The following SPON1 variants were observed in gnomAD, a reference collection of about 807,000 sequenced individuals.
The protein encoded by SPON1 is spondin-1.
SPON1 carries 52 observed loss-of-function variants against 111.7 expected under a neutral mutation model. The ratio of observed to expected loss-of-function variants is 0.47; its 90% confidence interval spans 0.37 to 0.59. The LOEUF (loss-of-function observed/expected upper bound fraction) is 0.59, where lower values mean the gene tolerates loss of function less well. SPON1 is among the 20% of genes least tolerant of loss of function. The pLI is 0.00. For synonymous variants in SPON1, 410 were observed against 395.8 expected, an observed-to-expected ratio of 1.04 and a Z score of -0.43; for missense variants, 957 against 1,068.5, an observed-to-expected ratio of 0.90 and a Z score of 1.46.
At chr11:14,051,006 T>C (rs1395625899) in intron 3 of SPON1, among the ~76,000 whole-genome samples, 3 of 152,282 alleles carry the variant, frequency 2.0e-5, no homozygotes, top group African/African-American at 4.8e-5. Flanking sequence ...GGGGCAGAGA[T>C]GGTCAAGTCT....
chr11:14,033,415 G>C lies in SPON1; in HGVS notation c.346-8106G>C, dbSNP rs144800939. On this transcript the variant is annotated intron_variant, in intron 2 of 15. Transcript: ENST00000576479. ...TTGATGCTGTTCAGGTTCATCTCTT[G>C]AGGCTTGTGTCTCTTGAACCAGAAA... Among the ~76,000 whole-genome samples, 452 of 152,310 alleles carry C rather than the reference G, an allele frequency of 3.0e-3. 1 individual carries two copies. Among genetic ancestry groups the C allele is most frequent in the African/African-American group, 0.01 (431 of 41,566 alleles).
At chr11:14,179,925 T>A (rs1554933539) in intron 6 of SPON1, among the ~76,000 whole-genome samples, 1 of 152,204 alleles carries the variant, frequency 6.6e-6, no homozygotes, top group African/African-American at 2.4e-5. Flanking sequence ...CTACTTCCTA[T>A]TTCAGATTCA....
At chr11:14,102,680 G>A (rs1178108690) in intron 5 of SPON1, among the ~76,000 whole-genome samples, 1 of 152,152 alleles carries the variant, frequency 6.6e-6, no homozygotes, top group Non-Finnish European at 1.5e-5. Context: ...TGACTTTCAT[G>A]ACACTGATGC....
At chr11:13,999,566 T>C (rs60317290) in intron 2 of SPON1, among the ~76,000 whole-genome samples, 7,802 of 152,132 alleles carry the variant, frequency 0.051, 673 homozygotes, top group African/African-American at 0.18. Flanking sequence ...CCATCACACC[T>C]GGCTAACTTT....
chr11:14,158,813 T>A (rs1480069064), intron 6 of SPON1, among the ~76,000 whole-genome samples: 3 of 152,126 alleles, frequency 2.0e-5, no homozygotes, highest in Admixed American at 2.0e-4. Flanking sequence ...GAAACTAGTA[T>A]CTCTTCTTTA....
intron 6 of SPON1, among the ~76,000 whole-genome samples, chr11:14,160,024 T>A (rs1423328158): frequency 2.6e-5 from 4 of 152,010 alleles, no homozygotes; most frequent in Admixed American, 6.6e-5. Flanking sequence ...TGTACATTTT[T>A]AAATAACTTA....
chr11:14,112,877 C>A lies in SPON1; in HGVS notation c.677-22543C>A, dbSNP rs922485442. Among the ~76,000 whole-genome samples the A allele has an allele frequency of 3.3e-5, 5 of 152,180 alleles. No homozygotes were observed. In the East Asian group the frequency reaches 7.7e-4, roughly 23 times the overall value. Reference sequence around the variant, plus strand: ...AATTCTGCCTTTTATTGCTGCCAGACCTGCCTGATGCCCAGTGTCTCTATC... The same window carrying A: ...AATTCTGCCTTTTATTGCTGCCAGAACTGCCTGATGCCCAGTGTCTCTATC... On this transcript the variant is annotated intron_variant, in intron 5 of 15. Coordinates refer to ENST00000576479, the MANE Select transcript of SPON1 (RefSeq NM_006108.4).
intron 4 of SPON1, 22 bp from the exon 5 acceptor site, chr11:14,079,874 TTGG>T (rs1564900115): frequency 6.2e-7 from 1 of 1,613,858 alleles, no homozygotes; most frequent in East Asian, 2.2e-5. Flanking sequence ...ACTTTCTAAC[TTGG>T]TGACTTTTCT....
chr11:14,082,461 A>G (rs1032292266), intron 5 of SPON1, among the ~76,000 whole-genome samples: 2 of 152,226 alleles, frequency 1.3e-5, no homozygotes, highest in African/African-American at 4.8e-5. Context: ...TAGACCAAGA[A>G]GTCCTCCAGG....
At chr11:14,183,033 A>C (rs1241730690) in intron 6 of SPON1, among the ~76,000 whole-genome samples, 2 of 152,234 alleles carry the variant, frequency 1.3e-5, no homozygotes, top group African/African-American at 4.8e-5. Context: ...TCAAATTGCA[A>C]AATCTTATCC....
chr11:14,022,828 C>T (rs184230787), intron 2 of SPON1, among the ~76,000 whole-genome samples: 35 of 152,318 alleles, frequency 2.3e-4, no homozygotes, highest in African/African-American at 8.4e-4. Flanking sequence ...CGACTTTATC[C>T]AAAGAACGCT....
chr11:13,968,038 C>T (rs782662818), intron 1 of SPON1, among the ~76,000 whole-genome samples: 25 of 152,208 alleles, frequency 1.6e-4, no homozygotes, highest in Non-Finnish European at 3.1e-4. Context: ...CTTTCAGTTG[C>T]ATCAAGAAGC....
At chr11:14,001,566 A>C (rs1848319215) in intron 2 of SPON1, among the ~76,000 whole-genome samples, 1 of 152,220 alleles carries the variant, frequency 6.6e-6, no homozygotes, top group Admixed American at 6.5e-5. Flanking sequence ...AAGACCACAC[A>C]CAAAGATTCT....
At chr11:13,986,610 G>C (rs963899702) in intron 2 of SPON1, among the ~76,000 whole-genome samples, 2 of 148,190 alleles carry the variant, frequency 1.3e-5, no homozygotes, top group Non-Finnish European at 3.0e-5. Context: ...TCTGGGGTAC[G>C]TGTGCAGTTT....
chr11:14,193,449 T>C (rs961627652), intron 6 of SPON1, among the ~76,000 whole-genome samples: 2 of 152,184 alleles, frequency 1.3e-5, no homozygotes, highest in African/African-American at 4.8e-5. Flanking sequence ...TATGCACACA[T>C]ATATATAAAT....
chr11:14,213,555 A>G lies in SPON1; in HGVS notation c.826-29777A>G, dbSNP rs1490282514. Among the ~76,000 whole-genome samples the G allele has an allele frequency of 2.0e-5, 3 of 152,382 alleles. No homozygotes were observed. In the East Asian group the frequency reaches 5.8e-4, roughly 29 times the overall value. On this transcript the variant is annotated intron_variant, in intron 6 of 15. Coordinates refer to ENST00000576479, the MANE Select transcript of SPON1 (RefSeq NM_006108.4). ...GAAAAACAAGTCAAAGGTTGACAAT[A>G]GTAATTAATCAAACGATATTTATTG...
rs564301907 is a variant in SPON1 at position 14,041,566 on chromosome 11, G to A, written c.391G>A (p.Ala131Thr). Residue 131 changes from alanine (A) to threonine (T), a missense_variant, in exon 3 of 16, where the codon GCA (alanine) becomes ACA (threonine). Physicochemically the swap from Ala to Thr is moderately conservative, Grantham distance 58 (BLOSUM62 0). Transcript: ENST00000576479. ...TCAGTTTATGAGCAATTGCCCTGTT[G>A]CAGTCACTGAAAGCACTCCACGGAG... ...ETQFMSNCPV[A>T]VTESTPRRRT... is the part of the protein sequence containing the mutation. 6 of 1,613,936 alleles carry A rather than the reference G, an allele frequency of 3.7e-6. No individual in the cohort carries two copies. The highest frequency in any genetic ancestry group is 5.1e-6 in the Non-Finnish European group (6 of 1,179,874).
chr11:13,965,493 G>A (rs1451951158), intron 1 of SPON1, among the ~76,000 whole-genome samples: 1 of 152,182 alleles, frequency 6.6e-6, no homozygotes, highest in Admixed American at 6.5e-5. Context: ...TAAACGTCCA[G>A]GGCCAGCAGG....
rs1847578485 is a variant in SPON1 at position 14,135,355 on chromosome 11, C to A, written c.677-65C>A. ...ATGTCCAATTACGCATCCTCCCCATCATTTAAGGGACTCGTGTTTCAGCCA... is the reference window on the plus strand; with the variant it reads ...ATGTCCAATTACGCATCCTCCCCATAATTTAAGGGACTCGTGTTTCAGCCA... On this transcript the variant is annotated intron_variant, in intron 5 of 15. Coordinates refer to ENST00000576479, the MANE Select transcript of SPON1 (RefSeq NM_006108.4). This position sits in a 1 kb window ranked among gnomAD's most constrained non-coding sequence, Gnocchi z 4.4. The A allele has an allele frequency of 6.5e-7, 1 of 1,549,554 alleles. No individual in the cohort carries two copies. Among genetic ancestry groups the A allele is most frequent in the Non-Finnish European group, 8.8e-7 (1 of 1,137,182 alleles).
Sources: gnomAD v4.1 joint callset for allele counts (sites outside exome capture counted in the v4.1 genomes callset) on GRCh38, gnomAD v4.1.1 for gene constraint, Gnocchi (gnomAD v3.1) non-coding constraint, MANE v1.5 for transcripts, NCBI Gene and HGNC (gene_info 2026-07-23, HGNC 2026-07-21) for gene names.